Variants in KHDRBS2 observed in about 807,000 individuals in gnomAD.
KHDRBS2 encodes the protein KH domain-containing, RNA-binding, signal transduction-associated protein 2.
In KHDRBS2, 26 loss-of-function variants were observed where a neutral mutation model predicts 44.3. The ratio of observed to expected loss-of-function variants is 0.59; its 90% CI spans 0.43 to 0.81. The LOEUF (loss-of-function observed/expected upper bound fraction) is 0.81, where lower values mean the gene tolerates loss of function less well. Ranked by LOEUF, KHDRBS2 falls within the 40% of genes least tolerant of loss-of-function variation. The pLI, the probability that KHDRBS2 is intolerant of heterozygous loss-of-function variation, is 0.00. For synonymous variants in KHDRBS2, 194 were observed against 151.1 expected (o/e 1.28, Z -2.08); for missense variants, 476 against 433.1 (o/e 1.10, Z -0.88).
chr6:61,808,236 A>C (rs1787486057), intron 6 of KHDRBS2, among the ~76,000 whole-genome samples: 1 of 152,140 alleles, frequency 6.6e-6, no homozygotes, highest in African/African-American at 2.4e-5. Context: ...TTGAAAGTAG[A>C]ATTCATTTTC....
intron 6 of KHDRBS2, among the ~76,000 whole-genome samples, chr6:61,858,615 G>A (rs1002130548): frequency 4.6e-5 from 7 of 151,588 alleles, no homozygotes; most frequent in African/African-American, 9.7e-5. Context: ...TCAATTTTCC[G>A]GCATAGCCAG....
chr6:62,036,846 A>G (rs1302482352), intron 3 of KHDRBS2, among the ~76,000 whole-genome samples: 1 of 152,018 alleles, frequency 6.6e-6, no homozygotes, highest in Non-Finnish European at 1.5e-5. Context: ...TTAAACTAGT[A>G]TCTTTAGGTT....
chr6:62,095,108 G>A (rs535565333), intron 2 of KHDRBS2, among the ~76,000 whole-genome samples: 1 of 151,654 alleles, frequency 6.6e-6, no homozygotes, highest in East Asian at 1.9e-4. Context: ...GAATGCCATT[G>A]GTATTTTGAT....
chr6:62,048,867 A>G (rs532209648), intron 2 of KHDRBS2, among the ~76,000 whole-genome samples: 32 of 152,086 alleles, frequency 2.1e-4, no homozygotes, highest in African/African-American at 7.2e-4. Context: ...ACCAAAAACT[A>G]TCTTGGGAAC....
At chr6:61,720,434 C>T (rs1772258546) in intron 7 of KHDRBS2, among the ~76,000 whole-genome samples, 2 of 152,180 alleles carry the variant, frequency 1.3e-5, no homozygotes, top group South Asian at 4.1e-4. Context: ...TCCTCTCCAG[C>T]ACCTGTTGTT....
intron 3 of KHDRBS2, among the ~76,000 whole-genome samples, chr6:61,986,030 T>A (rs1031828466): frequency 1.3e-5 from 2 of 151,990 alleles, no homozygotes; most frequent in African/African-American, 4.8e-5. Flanking sequence ...AAAAAAAAAA[T>A]GAATTTTGGA....
At chr6:61,861,659 TG>T (rs1183309424) in intron 6 of KHDRBS2, among the ~76,000 whole-genome samples, 172 of 132,046 alleles carry the variant, frequency 1.3e-3, no homozygotes, top group Middle Eastern at 3.9e-3. Context: ...CCTCCAGTTT[TG>T]TTTTTTTTTT....
chr6:61,853,469 A>G (rs1795745758), intron 6 of KHDRBS2, among the ~76,000 whole-genome samples: 1 of 152,206 alleles, frequency 6.6e-6, no homozygotes, highest in East Asian at 1.9e-4. Flanking sequence ...AAAGACTAGA[A>G]GGAAATGTAC....
At chr6:61,930,730 C>T (rs1809891317) in intron 4 of KHDRBS2, among the ~76,000 whole-genome samples, 1 of 113,234 alleles carries the variant, frequency 8.8e-6, no homozygotes, top group Admixed American at 9.9e-5. Context: ...GACGGCTAAT[C>T]AATATAAGTC....
At chr6:62,236,410 A>G (rs1479523698) in intron 1 of KHDRBS2, among the ~76,000 whole-genome samples, 1 of 151,994 alleles carries the variant, frequency 6.6e-6, no homozygotes, top group Non-Finnish European at 1.5e-5. Flanking sequence ...ACATAATTCT[A>G]CCAGAGAATT....
At chr6:61,883,727 G>A (rs879859202) in intron 6 of KHDRBS2, among the ~76,000 whole-genome samples, 6 of 151,826 alleles carry the variant, frequency 4.0e-5, no homozygotes, top group East Asian at 1.9e-4. Context: ...TATTATGTCC[G>A]TCCTATAGTT....
chr6:61,790,366 G>C (rs1179258336), intron 6 of KHDRBS2, among the ~76,000 whole-genome samples: 2 of 147,960 alleles, frequency 1.4e-5, no homozygotes, highest in African/African-American at 2.5e-5. Context: ...AATTGCTAAA[G>C]AAGTTAATCA....
the KHDRBS2 span, among the ~76,000 whole-genome samples, chr6:61,556,850 G>A: frequency 3.4e-5 from 5 of 145,898 alleles, no homozygotes; most frequent in African/African-American, 1.3e-4. Context: ...ATTTATCAAG[G>A]ACATCCGTAA....
chr6:61,901,617 A>T (rs1237304661), intron 4 of KHDRBS2, among the ~76,000 whole-genome samples: 2 of 152,190 alleles, frequency 1.3e-5, no homozygotes, highest in African/African-American at 4.8e-5. Context: ...ATCACATTAG[A>T]TTTGCTGAGA....
rs139766165 is a variant in KHDRBS2, at chr6:61,833,486, T to C, written c.810+61149A>G. Among the ~76,000 whole-genome samples, 1,404 of 152,296 alleles carry C rather than the reference T, an allele frequency of 9.2e-3. 24 individuals are homozygous for C. The highest frequency in any genetic ancestry group is 0.032 in the African/African-American group (1,320 of 41,568). The stretch of plus-strand genomic sequence containing the variant: ...TACCATATGTTCAGCTTCTATCATA[T>C]ATTCCCAGTTCAAAAAACCTTCTGT... On this transcript the variant is annotated intron_variant, in intron 6 of 8. Transcript: ENST00000281156.
At chr6:61,921,412 T>A (rs1473161803) in intron 4 of KHDRBS2, among the ~76,000 whole-genome samples, 1 of 151,996 alleles carries the variant, frequency 6.6e-6, no homozygotes, top group African/African-American at 2.4e-5. Flanking sequence ...TTTATTGATA[T>A]TTTTTCAATA....
chr6:61,701,541 C>T (rs1446299393), intron 7 of KHDRBS2, among the ~76,000 whole-genome samples: 2 of 151,996 alleles, frequency 1.3e-5, no homozygotes, highest in East Asian at 3.9e-4. Flanking sequence ...GTAAAGTTCC[C>T]AAGGAGGGCA....
chr6:62,278,025 T>C (rs972170861), intron 1 of KHDRBS2, among the ~76,000 whole-genome samples: 7 of 152,220 alleles, frequency 4.6e-5, no homozygotes, highest in Non-Finnish European at 8.8e-5. Context: ...ATATCATCTA[T>C]TAGTGGTTAT....
At chr6:62,169,700 G>A (rs1322212761) in intron 2 of KHDRBS2, among the ~76,000 whole-genome samples, 3 of 152,128 alleles carry the variant, frequency 2.0e-5, no homozygotes, top group African/African-American at 7.2e-5. Flanking sequence ...CTAGGGATGG[G>A]AAAATGCCCC....
Sources: gnomAD v4.1 joint callset for allele counts (sites outside exome capture counted in the v4.1 genomes callset) on GRCh38, gnomAD v4.1.1 for gene constraint, MANE v1.5 for transcripts, NCBI Gene and HGNC (gene_info 2026-07-23, HGNC 2026-07-21) for gene names.